ZFAND1: variants seen among roughly 807,000 people sequenced by gnomAD.
ZFAND1 encodes the protein zinc finger AN1-type containing 1, also known as AN1-type zinc finger protein 1.
In ZFAND1, 40 loss-of-function variants were observed where a neutral mutation model predicts 38.5. That is an observed-to-expected ratio of 1.04 (90% CI 0.81 to 1.35). The LOEUF (loss-of-function observed/expected upper bound fraction) is 1.35. Ranked by LOEUF, ZFAND1 falls within the 40% of genes most tolerant of loss-of-function variation. The pLI, the probability that ZFAND1 is intolerant of heterozygous loss-of-function variation, is 0.00. For missense variants in ZFAND1, 346 were observed against 316.3 expected (o/e 1.09, Z -0.71); for synonymous variants, 117 against 103.6 (o/e 1.13, Z -0.78).
rs768037482 is a variant in ZFAND1 at position 81,718,236 on chromosome 8, A to T, written c.56-12T>A. ...AAATGGAAGAAAATCTAAAATTGAG[A>T]GAAAATGTATATACTGGTCAGTATC... On this transcript the variant is annotated splice_polypyrimidine_tract_variant and intron_variant, in intron 1 of 7. Coordinates refer to ENST00000220669, the MANE Select transcript of ZFAND1 (RefSeq NM_024699.3). 1.1e-5 allele frequency: 18 copies of T among 1,568,360 alleles called. 1 individual carries two copies. Among genetic ancestry groups the T allele is most frequent in the Non-Finnish European group, 1.6e-5 (18 of 1,155,998 alleles).
chr8:81,705,398 A>C (rs1462100600), intron 6 of ZFAND1, among the ~76,000 whole-genome samples: 1 of 152,238 alleles, frequency 6.6e-6, no homozygotes, highest in East Asian at 1.9e-4. Flanking sequence ...AGGATGCACA[A>C]TTAGATAAAA....
At position 81,709,017 on chromosome 8, in the gene ZFAND1, T is replaced by C. The variant is rs550463355; in HGVS notation, c.480+4901A>G. The stretch of plus-strand genomic sequence containing the variant: ...TTAAAATCTAAAATATGCGTACCAT[T>C]TGACACAGCAAACACACTCTTGGGA... On this transcript the variant is annotated intron_variant, in intron 6 of 7. Transcript: ENST00000220669. 1.1e-3 allele frequency among the ~76,000 whole-genome samples: 171 copies of C among 152,296 alleles called. 1 individual carries two copies. Among genetic ancestry groups the C allele is most frequent in the African/African-American group, 3.9e-3 (161 of 41,564 alleles).
chr8:81,715,479 T>C (rs78552948), intron 3 of ZFAND1, among the ~76,000 whole-genome samples: 7,752 of 152,168 alleles, frequency 0.051, 221 homozygotes, highest in Middle Eastern at 0.13. Flanking sequence ...CACACTAATT[T>C]TAGGAGATGA....
chr8:81,715,020 A>G lies in ZFAND1; in HGVS notation c.233T>C (p.Ile78Thr). Residue 78 changes from isoleucine to threonine, a missense_variant, in exon 4 of 8, where the codon ATA becomes ACA. Physicochemically the swap from Ile to Thr is moderately conservative, Grantham distance 89. Coordinates refer to ENST00000220669, the MANE Select transcript of ZFAND1 (RefSeq NM_024699.3). Reference sequence around the variant, plus strand: ...AAAATTCTTCTCACAATAAGGACATATAACTGCCACAAGTTCTCTCTCAGC... The same window carrying G: ...AAAATTCTTCTCACAATAAGGACATGTAACTGCCACAAGTTCTCTCTCAGC... ...DCAERELVAV[I>T]CPYCEKNFCL... 1 of 1,614,136 alleles carries G rather than the reference A, an allele frequency of 6.2e-7. No individual in the cohort carries two copies. Among genetic ancestry groups the G allele is most frequent in the East Asian group, 2.2e-5 (1 of 44,868 alleles).
At chr8:81,704,277 C>G (rs1421242638) in intron 6 of ZFAND1, among the ~76,000 whole-genome samples, 1 of 152,102 alleles carries the variant, frequency 6.6e-6, no homozygotes, top group Non-Finnish European at 1.5e-5. Context: ...TGGCTCATGC[C>G]TATAATCCTA....
chr8:81,702,852 C>T lies in ZFAND1; in HGVS notation c.650G>A (p.Cys217Tyr). 1 of 1,590,256 alleles carries T rather than the reference C, an allele frequency of 6.3e-7. No homozygotes were observed. ...TAAGGCTTCTCCTGAAGTAATGTGA[C>T]ACAGCCTTAATTTCTGTGAAGGGAG... ...NKFTAKKLRL[C>Y]HITSGEALPL... The change falls in exon 8 of 8, where the codon TGT becomes TAT. Residue 217 changes from cysteine to tyrosine, a missense_variant. Cys to Tyr is a radical substitution (Grantham distance 194). Transcript: ENST00000220669.
chr8:81,703,611 C>T (rs111281207), intron 6 of ZFAND1, among the ~76,000 whole-genome samples: 3,900 of 152,208 alleles, frequency 0.026, 168 homozygotes, highest in African/African-American at 0.088. Context: ...TTACTAGAGA[C>T]GGGCTTTCAC....
At chr8:81,720,376 G>A (rs1808436057) in intron 1 of ZFAND1, among the ~76,000 whole-genome samples, 1 of 152,136 alleles carries the variant, frequency 6.6e-6, no homozygotes, top group Admixed American at 6.5e-5. Flanking sequence ...CTTACTAGTT[G>A]GAAAGGTCTT....
intron 3 of ZFAND1, among the ~76,000 whole-genome samples, chr8:81,715,427 A>C (rs1310372223): frequency 6.6e-6 from 1 of 152,186 alleles, no homozygotes; most frequent in Non-Finnish European, 1.5e-5. Flanking sequence ...ATGCTCAGGT[A>C]ATTATCTCAT....
At chr8:81,708,248 CAAAAAAAAAA>C (rs746812833) in intron 6 of ZFAND1, among the ~76,000 whole-genome samples, 1 of 62,946 alleles carries the variant, frequency 1.6e-5, no homozygotes, top group African/African-American at 6.1e-5. Context: ...AAAGCTCCAT[CAAAAAAAAAA>C]AAAAAAAAAA....
Position 81,702,489 on chromosome 8 carries a change from T to C in ZFAND1, c.*206A>G. The C allele has an allele frequency of 3.0e-6, 1 of 333,986 alleles. No individual in the cohort carries two copies. The highest frequency in any genetic ancestry group is 8.3e-4 in the Middle Eastern group (1 of 1,198). 20.7% of individuals were successfully genotyped at this position (333,986 alleles called of 1,614,324 possible). A position where few individuals can be genotyped will look rare whatever the true frequency, so the allele number is the denominator to read the frequency against. ...AATGAAAGCTAATTAAATATAAGAA[T>C]TTGCTAATAATTGAGGATCCGTACA... On this transcript the variant is annotated 3_prime_UTR_variant, in exon 8 of 8. Transcript: ENST00000220669.
intron 1 of ZFAND1, 46 bp from the exon 2 acceptor site, chr8:81,718,270 AT>A: frequency 6.9e-7 from 1 of 1,439,030 alleles, no homozygotes. Flanking sequence ...TCTGATTTTG[AT>A]TTAGTTTTCT....
At position 81,714,850 on chromosome 8, in the gene ZFAND1, T is replaced by C. The variant is rs577819205; in HGVS notation, c.312A>G (p.Pro104=). 2.5e-6 allele frequency: 4 copies of C among 1,614,112 alleles called. No homozygotes were observed. The African/African-American group carries it at 5.3e-5, about 22-fold the overall frequency. Residue 104 remains proline, a synonymous_variant, in exon 5 of 8, where the codon CCA becomes CCG. Transcript: ENST00000220669. ...SDHECEKLEI[P]KPRMAATQKL... is the part of the protein sequence containing the mutation. ...TCTGAGTGGCAGCCATTCGAGGCTT[T>C]GGGATTTCCAGTTTTTCACACTCAT...
chr8:81,702,608 T>C lies in ZFAND1; in HGVS notation c.*87A>G. The stretch of plus-strand genomic sequence containing the variant: ...AAGTTAAAAAGCAACTTTTAAAAAT[T>C]ACAAAAATAGTATTTGTAGTAAAAT... On this transcript the variant is annotated 3_prime_UTR_variant, in exon 8 of 8. Coordinates refer to ENST00000220669, the MANE Select transcript of ZFAND1 (RefSeq NM_024699.3). 8.9e-7 allele frequency: 1 copy of C among 1,123,666 alleles called. No individual in the cohort carries two copies. Among genetic ancestry groups the C allele is most frequent in the Non-Finnish European group, 1.2e-6 (1 of 853,142 alleles). 69.6% of individuals were successfully genotyped at this position (1,123,666 alleles called of 1,614,324 possible).
intron 6 of ZFAND1, among the ~76,000 whole-genome samples, chr8:81,706,610 A>C (rs932912528): frequency 2.0e-5 from 3 of 151,982 alleles, no homozygotes; most frequent in Non-Finnish European, 2.9e-5. Context: ...TTATCATTTT[A>C]GGATATTATA....
Position 81,721,240 on chromosome 8 carries a change from A to T in ZFAND1, c.42T>A (p.His14Gln), listed in dbSNP as rs1053961160. 1.7e-5 allele frequency: 26 copies of T among 1,549,056 alleles called. No individual in the cohort carries two copies. The highest frequency in any genetic ancestry group is 2.2e-5 in the Non-Finnish European group (25 of 1,147,090). ...LDIGQHCQVE[H>Q]CRQRDFLPFV... ...CTCCCGGATCACCTCGCTGCCGGCA[A>T]TGCTCCACCTGGCAGTGCTGCCCGA... The change falls in exon 1 of 8, where the codon CAT becomes CAA. Residue 14 changes from histidine to glutamine, a missense_variant. By Grantham distance (24) the His-to-Gln change is conservative. Coordinates refer to ENST00000220669, the MANE Select transcript of ZFAND1 (RefSeq NM_024699.3).
chr8:81,706,663 G>A (rs1807993526), intron 6 of ZFAND1, among the ~76,000 whole-genome samples: 1 of 151,894 alleles, frequency 6.6e-6, no homozygotes, highest in South Asian at 2.1e-4. Flanking sequence ...GAAATAATGA[G>A]TATAATTATT....
chr8:81,703,781 G>A (rs779167159), intron 6 of ZFAND1, among the ~76,000 whole-genome samples: 5 of 152,010 alleles, frequency 3.3e-5, no homozygotes, highest in Non-Finnish European at 7.4e-5. Context: ...AGCAAACCCC[G>A]TCACCTAACA....
At chr8:81,703,195 C>T (rs1807865814) in intron 6 of ZFAND1, 71 bp from the exon 7 acceptor site, 3 of 1,125,512 alleles carry the variant, frequency 2.7e-6, no homozygotes, top group Non-Finnish European at 2.4e-6. Context: ...TGGTGCCAAC[C>T]GTTCCTCTCT....
Sources: gnomAD v4.1 joint callset for allele counts (sites outside exome capture counted in the v4.1 genomes callset) on GRCh38, gnomAD v4.1.1 for gene constraint, MANE v1.5 for transcripts, NCBI Gene and HGNC (gene_info 2026-07-23, HGNC 2026-07-21) for gene names.